ZNF397: variants seen among roughly 807,000 people sequenced by gnomAD.
ZNF397 encodes zinc finger and SCAN domain-containing protein 15.
ZNF397 carries 38 observed loss-of-function variants against 50.6 expected under a neutral mutation model. The ratio of observed to expected loss-of-function variants is 0.75; its 90% CI spans 0.58 to 0.98. The LOEUF is 0.98. ZNF397 is among the 50% of genes least tolerant of loss of function. The probability of loss-of-function intolerance (pLI) is 0.00; values close to 1 mark genes in which losing one functional copy is unlikely to be tolerated. For synonymous variants in ZNF397, 228 were observed against 215.2 expected (o/e 1.06, Z -0.52); for missense variants, 624 against 624.1 (o/e 1.00, Z 0.00).
chr18:35,246,324 T>C lies in ZNF397; in HGVS notation c.*14T>C, dbSNP rs1436480609. ...ACTATAAAGTAATTTGTGAATACTG[T>C]GAATAGTGTAAATACTTCAGTCAGA... is the stretch of plus-strand genomic sequence containing the variant. On this transcript the variant is annotated 3_prime_UTR_variant, in exon 4 of 4. Transcript: ENST00000330501. 2 of 1,509,150 alleles carry C rather than the reference T, an allele frequency of 1.3e-6. No homozygotes were observed. Among genetic ancestry groups the C allele is most frequent in the Admixed American group, 2.4e-5 (1 of 41,322 alleles). The allele number at this position is 1,509,150 out of a possible 1,614,324, so 93.5% of individuals were successfully genotyped here. A position where few individuals can be genotyped will look rare whatever the true frequency, so the allele number is the denominator to read the frequency against.
At chr18:35,257,843 T>C in intron 5 of ZNF397, 1 of 780,140 alleles carries the variant, frequency 1.3e-6, no homozygotes, top group South Asian at 1.3e-5. Context: ...GCTCCAAGGA[T>C]TAGACCAAGC....
intron 2 of ZNF397, 77 bp downstream of exon 2, chr18:35,242,961 A>G (rs1912630387): frequency 1.3e-6 from 2 of 1,522,740 alleles, no homozygotes; most frequent in African/African-American, 2.8e-5. Flanking sequence ...CAGTAGGATA[A>G]AAATTTTTAT....
At chr18:35,256,201 A>G (rs2043807347) in intron 5 of ZNF397, 1 of 152,438 alleles carries the variant, frequency 6.6e-6, no homozygotes, top group Non-Finnish European at 1.5e-5. Flanking sequence ...TACATTTATT[A>G]TTATATTTAA....
chr18:35,245,528 T>C lies in ZNF397; in HGVS notation c.823T>C (p.Cys275Arg), dbSNP rs1473476788. 1 of 1,552,270 alleles carries C rather than the reference T, an allele frequency of 6.4e-7. No individual in the cohort carries two copies. Among genetic ancestry groups the C allele is most frequent in the Non-Finnish European group, 8.7e-7 (1 of 1,147,174 alleles). The part of the protein sequence containing the change: ...CLILTTDSIM[C>R]QKVPPEERPY... ...GATTCTAACTACAGACTCTATAATG[T>C]GTCAGAAAGTTCCTCCAGAAGAGAG... The change falls in exon 4 of 4, where the codon TGT (cysteine) becomes CGT (arginine). Residue 275 changes from cysteine to arginine, a missense_variant. Cys to Arg is a radical substitution (Grantham distance 180). Coordinates refer to ENST00000330501, the MANE Select transcript of ZNF397 (RefSeq NM_001135178.3).
At chr18:35,254,200 G>A, downstream of ZNF397, 1 of 1,614,128 alleles carries the variant, frequency 6.2e-7, no homozygotes, top group Non-Finnish European at 8.5e-7. Context: ...GACTGATTTT[G>A]TTCCCTGCAG....
chr18:35,258,149 A>C, exon 6 of ZNF397: 1 of 614,424 alleles, frequency 1.6e-6, no homozygotes, highest in Non-Finnish European at 2.9e-6. Flanking sequence ...AAGGATCCAC[A>C]TTAATTCTTC....
rs367928560 is a variant in ZNF397 at position 35,247,928 on chromosome 18, C to G, written c.*1618C>G. ...CAGGTGATCCGCCCGCCTCGGCCCCCCAAAGTGCTGGGATTACAGGCGTGA... is the reference window on the plus strand; with the variant it reads ...CAGGTGATCCGCCCGCCTCGGCCCCGCAAAGTGCTGGGATTACAGGCGTGA... On this transcript the variant is annotated 3_prime_UTR_variant, in exon 4 of 4. Coordinates refer to ENST00000330501, the MANE Select transcript of ZNF397 (RefSeq NM_001135178.3). 5 of 152,150 alleles carry G rather than the reference C, an allele frequency of 3.3e-5. No individual in the cohort carries two copies. Among genetic ancestry groups the G allele is most frequent in the African/African-American group, 4.8e-5 (2 of 41,422 alleles). 9.4% of individuals were successfully genotyped at this position (152,150 alleles called of 1,614,324 possible).
intron 2 of ZNF397, 63 bp from the exon 3 acceptor site, chr18:35,243,089 T>G: frequency 8.1e-6 from 13 of 1,607,922 alleles, no homozygotes; most frequent in Non-Finnish European, 1.1e-5. Context: ...TCTTTGAGAT[T>G]TTTACTAAGC....
intron 3 of ZNF397, chr18:35,243,674 C>G (rs1177169071): frequency 1.1e-5 from 5 of 435,052 alleles, no homozygotes; most frequent in African/African-American, 6.0e-5. Flanking sequence ...TCTAAAGGCA[C>G]CTAACCCAAT....
At chr18:35,242,004 A>G (rs1912537119) in intron 1 of ZNF397, among the ~76,000 whole-genome samples, 1 of 152,212 alleles carries the variant, frequency 6.6e-6, no homozygotes, top group Admixed American at 6.5e-5. Flanking sequence ...TGGAAGTCTG[A>G]TTCTGAAGCC....
Position 35,241,087 on chromosome 18 carries a change from C to G in ZNF397, c.-103C>G, listed in dbSNP as rs180677696. ...GCAGCTCGGGGTGGGTGGCTCATTTCCTGGCCGCTCCTGGGCTTCGCGGTG... is the reference window on the plus strand; with the variant it reads ...GCAGCTCGGGGTGGGTGGCTCATTTGCTGGCCGCTCCTGGGCTTCGCGGTG... On this transcript the variant is annotated 5_prime_UTR_variant, in exon 1 of 4. Transcript: ENST00000330501. 6.6e-6 allele frequency: 1 copy of G among 152,340 alleles called. No individual in the cohort carries two copies. Among genetic ancestry groups the G allele is most frequent in the Non-Finnish European group, 1.5e-5 (1 of 68,196 alleles). The allele number at this position is 152,340 out of a possible 1,614,324, so 9.4% of individuals were successfully genotyped here. A position where few individuals can be genotyped will look rare whatever the true frequency, so the allele number is the denominator to read the frequency against.
chr18:35,245,045 TTGA>T (rs1889414709), intron 3 of ZNF397, among the ~76,000 whole-genome samples: 1 of 152,034 alleles, frequency 6.6e-6, no homozygotes, highest in African/African-American at 2.4e-5. Flanking sequence ...AATTTATCAG[TTGA>T]TGTCTCAAAA....
In ZNF397 at chr18:35,245,597, TC is replaced by T; in HGVS notation, c.894del (p.Ser299LeufsTer2). 6.4e-7 allele frequency: 1 copy of T among 1,553,556 alleles called. No homozygotes were observed. The highest frequency in any genetic ancestry group is 2.4e-5 in the East Asian group (1 of 41,022). On this transcript the variant is annotated frameshift_variant, in exon 4 of 4. Coordinates refer to ENST00000330501, the MANE Select transcript of ZNF397 (RefSeq NM_001135178.3). LOFTEE classifies it high-confidence loss of function. ...DVCGHSFKQH[S>X]SLTQHQRIHT... Reference sequence around the variant, plus strand: ...ATGTGGGCACAGCTTCAAGCAGCATTCCTCTCTAACACAACATCAGAGAATC... The same window carrying T: ...ATGTGGGCACAGCTTCAAGCAGCATTCTCTCTAACACAACATCAGAGAATC...
intron 3 of ZNF397, chr18:35,244,087 C>T (rs1354541982): frequency 1.3e-5 from 2 of 154,532 alleles, no homozygotes; most frequent in Non-Finnish European, 2.9e-5. Context: ...CTATTAAAGA[C>T]TGCTGTAATC....
intron 3 of ZNF397, 113 bp from the exon 4 acceptor site, chr18:35,245,149 C>G: frequency 7.4e-7 from 1 of 1,358,526 alleles, no homozygotes; most frequent in Non-Finnish European, 9.7e-7. Flanking sequence ...AAAAAAGATA[C>G]TGGAGGACAG....
Position 35,246,663 on chromosome 18 carries a change from T to A in ZNF397, c.*353T>A. On this transcript the variant is annotated 3_prime_UTR_variant, in exon 4 of 4. Transcript: ENST00000330501. ...GCATCTGATTGTTAGTGTGCCAGGT[T>A]ATGGGGCTGGTGTGGACTGTGTGAG... 1 of 1,038,714 alleles carries A rather than the reference T, an allele frequency of 9.6e-7. No homozygotes were observed. Among genetic ancestry groups the A allele is most frequent in the Non-Finnish European group, 1.2e-6 (1 of 863,480 alleles). The allele number at this position is 1,038,714 out of a possible 1,614,324, so 64.3% of individuals were successfully genotyped here.
chr18:35,253,833 C>T (rs774891655), downstream of ZNF397: 1 of 1,614,086 alleles, frequency 6.2e-7, no homozygotes, highest in Non-Finnish European at 8.5e-7. Flanking sequence ...TCTGAACTGC[C>T]CCTGAAGGCT....
At position 35,246,030 on chromosome 18, in the gene ZNF397, C is replaced by T. The variant is rs2043474667; in HGVS notation, c.1325C>T (p.Thr442Ile). 1 of 1,567,634 alleles carries T rather than the reference C, an allele frequency of 6.4e-7. No individual in the cohort carries two copies. Among genetic ancestry groups the T allele is most frequent in the Non-Finnish European group, 8.6e-7 (1 of 1,156,372 alleles). ...TTCAGGCAGAGCTCAGAGCTGATTA[C>T]TCATCAGAGAATACATAGTGGAGAG... ...KAFRQSSELI[T>I]HQRIHSGEKP... Residue 442 changes from threonine to isoleucine, a missense_variant, in exon 4 of 4, where the codon ACT (threonine) becomes ATT (isoleucine). By Grantham distance (89) the Thr-to-Ile change is moderately conservative (BLOSUM62 -1). Coordinates refer to ENST00000330501, the MANE Select transcript of ZNF397 (RefSeq NM_001135178.3).
At chr18:35,254,390 G>T, downstream of ZNF397, 1 of 1,613,964 alleles carries the variant, frequency 6.2e-7, no homozygotes. Flanking sequence ...ATCTAAAAAT[G>T]TGAATAGAAA....
Sources: allele counts gnomAD v4.1 joint callset (sites outside exome capture counted in the v4.1 genomes callset), GRCh38; gene constraint gnomAD v4.1.1; transcripts MANE v1.5; gene names NCBI Gene and HGNC (gene_info 2026-07-23, HGNC 2026-07-21).